Variants in COL4A5 observed in about 807,000 individuals in gnomAD.
The protein encoded by COL4A5 is collagen type IV alpha 5 chain, also known as collagen alpha-5(IV) chain.
In COL4A5, 26 loss-of-function variants were observed where a neutral mutation model predicts 130.2. The observed-to-expected ratio is 0.20, with a 90% confidence interval of 0.15 to 0.28. The LOEUF is 0.28. COL4A5 is among the 10% of genes least tolerant of loss of function. COL4A5 has a pLI of 1.00. For synonymous variants in COL4A5, 496 were observed against 439.6 expected (o/e 1.13, Z -1.60); for missense variants, 1,131 against 1,344.3 (o/e 0.84, Z 2.48).
chrX:108,565,311 G>A (rs1008291593), intron 4 of COL4A5, among the ~76,000 whole-genome samples: 5 of 111,686 alleles, frequency 4.5e-5, no homozygotes, highest in African/African-American at 1.6e-4. Flanking sequence ...CAAATGTACA[G>A]AGCATATAGT....
rs974813492 is a variant in COL4A5 at position 108,603,272 on chromosome X, A to C, written c.2244+211A>C. Among the ~76,000 whole-genome samples, 133 of 109,546 alleles carry C rather than the reference A, an allele frequency of 1.2e-3. 1 individual carries two copies. The highest frequency in any genetic ancestry group is 0.011 in the Admixed American group (107 of 10,179). On this transcript the variant is annotated intron_variant, in intron 28 of 52. Transcript: ENST00000328300. The stretch of plus-strand genomic sequence containing the variant: ...ACATTTGGAGCAAAAAAAAAAAAAA[A>C]AAAAACCTAATTTCTGTACCTACTT...
At chrX:108,490,969 A>G (rs2064987943) in intron 1 of COL4A5, among the ~76,000 whole-genome samples, 1 of 112,174 alleles carries the variant, frequency 8.9e-6, no homozygotes, top group Non-Finnish European at 1.9e-5. Context: ...TGTTCTCACA[A>G]AAGACATGAT....
chrX:108,631,699 A>G (rs1167921007), intron 36 of COL4A5, among the ~76,000 whole-genome samples: 1 of 111,710 alleles, frequency 9.0e-6, no homozygotes, highest in African/African-American at 3.3e-5. Flanking sequence ...GCATGACTAC[A>G]TGGAAACTGA....
At chrX:108,622,032 G>C in intron 32 of COL4A5, 140 bp downstream of exon 32, 2 of 514,734 alleles carry the variant, frequency 3.9e-6, no homozygotes, top group South Asian at 5.4e-5. Context: ...CATTTAAATA[G>C]GTCTTGTTTT....
At chrX:108,606,158 A>G (rs1329365991) in intron 28 of COL4A5, among the ~76,000 whole-genome samples, 2 of 112,122 alleles carry the variant, frequency 1.8e-5, no homozygotes, top group Non-Finnish European at 3.8e-5. Context: ...GATTCTCTTT[A>G]TTATGAACAT....
At chrX:108,441,596 A>G (rs1457074162) in intron 1 of COL4A5, among the ~76,000 whole-genome samples, 1 of 112,654 alleles carries the variant, frequency 8.9e-6, no homozygotes, top group East Asian at 2.8e-4. Context: ...ATCAAAGTAG[A>G]CAAATGATTT....
At chrX:108,600,102 C>T (rs1211588884) in intron 25 of COL4A5, among the ~76,000 whole-genome samples, 1 of 112,309 alleles carries the variant, frequency 8.9e-6, no homozygotes, top group Non-Finnish European at 1.9e-5. Flanking sequence ...AGTTTAGCAC[C>T]TTTTCATGTG....
intron 2 of COL4A5, among the ~76,000 whole-genome samples, chrX:108,556,437 G>A (rs2065823376): frequency 9.0e-6 from 1 of 110,898 alleles, no homozygotes; most frequent in African/African-American, 3.3e-5. Context: ...AGATTCCCGG[G>A]TAAAGAGAGA....
At position 108,668,502 on chromosome X, in the gene COL4A5, C is replaced by A; in HGVS notation, c.3788C>A (p.Pro1263Gln). The A allele has an allele frequency of 4.3e-6, 5 of 1,169,862 alleles. No homozygotes were observed. The highest frequency in any genetic ancestry group is 5.7e-6 in the Non-Finnish European group (5 of 875,707). Residue 1263 changes from proline to glutamine, a missense_variant and splice_region_variant, in exon 41 of 53, where the codon CCA (proline) becomes CAA (glutamine). Physicochemically the swap from Pro to Gln is moderately conservative, Grantham distance 76 (BLOSUM62 -1). Coordinates refer to ENST00000328300, the MANE Select transcript of COL4A5 (RefSeq NM_033380.3). ...GGGCCCCAAGGTCCTCCTGGGAGAC[C>A]AGGTATGTCCGTGAGTGGTAGGAGA... ...NPGPQGPPGR[P>Q]GPTGFQGLPG...
chrX:108,681,765 C>A lies in COL4A5; in HGVS notation c.4093C>A (p.Pro1365Thr), dbSNP rs1476839626. Residue 1365 changes from proline (P) to threonine (T), a missense_variant, in exon 47 of 53, where the codon CCT becomes ACT. Transcript: ENST00000328300. ...EPGLIGPPGP[P>T]GLPGPSGQSI... Reference sequence around the variant, plus strand: ...TTGTGTGTTTTGTCTCATAGGTCCTCCTGGATTACCTGGTCCTTCAGGACA... The same window carrying A: ...TTGTGTGTTTTGTCTCATAGGTCCTACTGGATTACCTGGTCCTTCAGGACA... 8.3e-7 allele frequency: 1 copy of A among 1,207,536 alleles called. No individual in the cohort carries two copies. Among genetic ancestry groups the A allele is most frequent in the Non-Finnish European group, 1.1e-6 (1 of 892,572 alleles).
intron 1 of COL4A5, among the ~76,000 whole-genome samples, chrX:108,452,725 G>C (rs2064534550): frequency 8.9e-6 from 1 of 111,859 alleles, no homozygotes; most frequent in African/African-American, 3.3e-5. Flanking sequence ...GAGATTTTGG[G>C]CTGAGATGAT....
At chrX:108,675,943 T>G (rs1026240316) in intron 43 of COL4A5, among the ~76,000 whole-genome samples, 3 of 111,717 alleles carry the variant, frequency 2.7e-5, no homozygotes, top group Non-Finnish European at 5.7e-5. Flanking sequence ...GAAGAAGAAA[T>G]TGAAGCCAAG....
At position 108,697,282 on chromosome X, in the gene COL4A5, C is replaced by A. The variant is rs771621007; in HGVS notation, c.*904C>A. The A allele has an allele frequency of 4.5e-5, 5 of 110,805 alleles. No individual in the cohort carries two copies. The South Asian group carries it at 1.9e-3, about 42-fold the overall frequency. The allele number at this position is 110,805 out of a possible 1,213,427, so 9.1% of individuals were successfully genotyped here. On this transcript the variant is annotated 3_prime_UTR_variant, in exon 53 of 53. Transcript: ENST00000328300. ...AACAATTCTGAGAAACAAAAACACACACGCAGAATTAACAATTCTTTTCCC... is the reference window on the plus strand; with the variant it reads ...AACAATTCTGAGAAACAAAAACACAAACGCAGAATTAACAATTCTTTTCCC...
In COL4A5 at chrX:108,694,797, C is replaced by T. The variant is rs1480102134; in HGVS notation, c.4707-10C>T. ...TGTAGATTATGTTCCTTCTCCTTTT[C>T]CTTTACCAGATGTGCAGTATGTGAA... On this transcript the variant is annotated splice_polypyrimidine_tract_variant and intron_variant, in intron 50 of 52. Coordinates refer to ENST00000328300, the MANE Select transcript of COL4A5 (RefSeq NM_033380.3). 8.5e-7 allele frequency: 1 copy of T among 1,178,973 alleles called. No individual in the cohort carries two copies. The highest frequency in any genetic ancestry group is 1.2e-6 in the Non-Finnish European group (1 of 865,819).
Position 108,597,556 on chromosome X carries a change from G to A in COL4A5, c.1767G>A (p.Pro589=), listed in dbSNP as rs920486747. 9 of 1,206,571 alleles carry A rather than the reference G, an allele frequency of 7.5e-6. No homozygotes were observed. The highest frequency in any genetic ancestry group is 3.5e-5 in the South Asian group (2 of 56,535). The part of the protein sequence containing the change: ...GQDGLPGLPG[P]KGEPGGITFK... ...ATGGATTGCCAGGGCTTCCTGGCCC[G>A]AAAGGAGAGCCTGTGAGTTGGTTTG... The change falls in exon 24 of 53, where the codon CCG becomes CCA. Residue 589 remains proline, a synonymous_variant. Transcript: ENST00000328300.
chrX:108,502,486 TG>T (rs2065089438), intron 1 of COL4A5, among the ~76,000 whole-genome samples: 1 of 110,275 alleles, frequency 9.1e-6, no homozygotes, highest in Non-Finnish European at 1.9e-5. Context: ...GGTTTTTCCA[TG>T]TTAGTCAGGC....
Position 108,569,347 on chromosome X carries a change from G to T in COL4A5, c.384+526G>T, listed in dbSNP as rs186263687. Among the ~76,000 whole-genome samples the T allele has an allele frequency of 1.7e-3, 193 of 111,929 alleles. 1 individual carries two copies. The highest frequency in any genetic ancestry group is 6.0e-3 in the African/African-American group (184 of 30,884). ...CTGAAACTTCTTCATCAGCAAAGAT[G>T]ATACATTTAACAATTTTAAATAACC... On this transcript the variant is annotated intron_variant, in intron 6 of 52. Coordinates refer to ENST00000328300, the MANE Select transcript of COL4A5 (RefSeq NM_033380.3).
At chrX:108,442,652 A>G (rs969872713) in intron 1 of COL4A5, among the ~76,000 whole-genome samples, 1 of 111,275 alleles carries the variant, frequency 9.0e-6, no homozygotes, top group Non-Finnish European at 1.9e-5. Flanking sequence ...CCTTGTGACC[A>G]GCGGCACGAA....
At position 108,510,180 on chromosome X, in the gene COL4A5, G is replaced by T. The variant is rs917358337; in HGVS notation, c.82-29566G>T. ...GGGTGGAGGCTGGGAGGAGGGAGAA[G>T]AGCAGATAAAATAAATATTGGATAC... On this transcript the variant is annotated intron_variant, in intron 1 of 52. Coordinates refer to ENST00000328300, the MANE Select transcript of COL4A5 (RefSeq NM_033380.3). Among the ~76,000 whole-genome samples the T allele has an allele frequency of 5.4e-5, 6 of 111,208 alleles. No homozygotes were observed. In the East Asian group the frequency reaches 1.4e-3, roughly 26 times the overall value.
Sources: gnomAD v4.1 joint callset for allele counts (sites outside exome capture counted in the v4.1 genomes callset) on GRCh38, gnomAD v4.1.1 for gene constraint, MANE v1.5 for transcripts, NCBI Gene and HGNC (gene_info 2026-07-23, HGNC 2026-07-21) for gene names.